Variants in AGBL4 observed in about 807,000 individuals in gnomAD.
AGBL4 encodes cytosolic carboxypeptidase 6.
AGBL4 carries 58 observed loss-of-function variants against 66.4 expected under a neutral mutation model. The observed-to-expected ratio is 0.87, with a 90% confidence interval of 0.71 to 1.09. AGBL4 has a LOEUF of 1.09. AGBL4 is among the 50% of genes least tolerant of loss of function. The pLI is 0.00. For missense variants in AGBL4, 579 were observed against 631.0 expected, an observed-to-expected ratio of 0.92 and a Z score of 0.88; for synonymous variants, 234 against 222.9, an observed-to-expected ratio of 1.05 and a Z score of -0.44.
chr1:49,789,439 C>A (rs1644539260), intron 2 of AGBL4, among the ~76,000 whole-genome samples: 1 of 152,164 alleles, frequency 6.6e-6, no homozygotes, highest in Admixed American at 6.5e-5. Context: ...AAAACCCCAT[C>A]ATCTCAGCCC....
intron 3 of AGBL4, among the ~76,000 whole-genome samples, chr1:49,473,189 G>A (rs1011908663): frequency 2.6e-5 from 4 of 152,008 alleles, no homozygotes; most frequent in East Asian, 1.9e-4. Context: ...TTCCTAAGTC[G>A]AATGACTGTT....
chr1:49,558,764 G>T (rs952200385), intron 3 of AGBL4, among the ~76,000 whole-genome samples: 2 of 152,112 alleles, frequency 1.3e-5, no homozygotes, highest in African/African-American at 4.8e-5. Flanking sequence ...ACTGACTTAA[G>T]AGCTCTTGAG....
rs191874996 is a variant in AGBL4, at chr1:48,788,178, A to G, written c.634+79013T>C. Among the ~76,000 whole-genome samples, 372 of 152,368 alleles carry G rather than the reference A, an allele frequency of 2.4e-3. 3 individuals are homozygous for G. The highest frequency in any genetic ancestry group is 8.6e-3 in the African/African-American group (358 of 41,592). ...TAAGGTTTTCATGTCTAACTGAGACAAGGCATGTAAAGTGCCTGGCAGGCA... is the reference window on the plus strand; with the variant it reads ...TAAGGTTTTCATGTCTAACTGAGACGAGGCATGTAAAGTGCCTGGCAGGCA... On this transcript the variant is annotated intron_variant, in intron 6 of 13. Transcript: ENST00000371839.
At chr1:49,344,595 G>A (rs529824917) in intron 3 of AGBL4, among the ~76,000 whole-genome samples, 1 of 152,196 alleles carries the variant, frequency 6.6e-6, no homozygotes, top group South Asian at 2.1e-4. Flanking sequence ...TTGAACATTG[G>A]AATAAAACCA....
intron 2 of AGBL4, among the ~76,000 whole-genome samples, chr1:49,827,098 G>T (rs1215223528): frequency 2.0e-5 from 3 of 152,100 alleles, no homozygotes; most frequent in Non-Finnish European, 2.9e-5. Flanking sequence ...TACAGGTAGA[G>T]TATGAATTCT....
chr1:49,223,435 GT>G, intron 4 of AGBL4, among the ~76,000 whole-genome samples: 1 of 152,246 alleles, frequency 6.6e-6, no homozygotes, highest in South Asian at 2.1e-4. Context: ...AAGTGTAAAA[GT>G]TTATGTGGGG....
chr1:49,786,430 A>G (rs1282981889), intron 2 of AGBL4, among the ~76,000 whole-genome samples: 2 of 152,250 alleles, frequency 1.3e-5, no homozygotes, highest in South Asian at 2.1e-4. Flanking sequence ...CTGAGTAACA[A>G]TATCTCTGAG....
intron 3 of AGBL4, among the ~76,000 whole-genome samples, chr1:49,294,787 C>T (rs953847559): frequency 1.3e-5 from 2 of 152,138 alleles, no homozygotes; most frequent in African/African-American, 4.8e-5. Flanking sequence ...GTCATTTCCT[C>T]CGAGGAGCTT....
intron 3 of AGBL4, among the ~76,000 whole-genome samples, chr1:49,472,387 G>A (rs528474575): frequency 9.9e-5 from 15 of 152,018 alleles, no homozygotes; most frequent in Admixed American, 7.9e-4. Flanking sequence ...ATCTGGCAAC[G>A]ATTTTAAAGT....
chr1:49,572,136 A>C (rs191375831), intron 3 of AGBL4, among the ~76,000 whole-genome samples: 2 of 152,236 alleles, frequency 1.3e-5, no homozygotes, highest in African/African-American at 2.4e-5. Context: ...GAATAATTTC[A>C]AAAAAATGGT....
At chr1:49,652,584 T>A (rs1166217954) in intron 3 of AGBL4, among the ~76,000 whole-genome samples, 1 of 152,074 alleles carries the variant, frequency 6.6e-6, no homozygotes, top group Non-Finnish European at 1.5e-5. Context: ...GAAGACTGAG[T>A]ACTGGCAATG....
intron 2 of AGBL4, among the ~76,000 whole-genome samples, chr1:49,735,579 T>G (rs990684483): frequency 1.1e-4 from 16 of 152,084 alleles, no homozygotes; most frequent in African/African-American, 3.9e-4. Context: ...CTATGTGATA[T>G]GTAATATACC....
At chr1:49,097,634 T>TGCAGTG (rs1359449442) in intron 4 of AGBL4, among the ~76,000 whole-genome samples, 4 of 152,348 alleles carry the variant, frequency 2.6e-5, no homozygotes, top group Admixed American at 2.6e-4. Flanking sequence ...CAGGCCAGAG[T>TGCAGTG]GCAGTGGCAC....
intron 5 of AGBL4, among the ~76,000 whole-genome samples, chr1:49,035,581 A>G (rs1331244700): frequency 6.6e-6 from 1 of 152,066 alleles, no homozygotes; most frequent in Non-Finnish European, 1.5e-5. Context: ...ACCTCCTGAG[A>G]TCTTACTGGA....
chr1:49,115,379 G>A (rs1490661844), intron 4 of AGBL4, among the ~76,000 whole-genome samples: 1 of 152,082 alleles, frequency 6.6e-6, no homozygotes, highest in African/African-American at 2.4e-5. Flanking sequence ...TTTTAGGAAC[G>A]GAAAAGGTAC....
intron 1 of AGBL4, among the ~76,000 whole-genome samples, chr1:49,982,051 T>G (rs1482597636): frequency 6.6e-6 from 1 of 152,258 alleles, no homozygotes; most frequent in African/African-American, 2.4e-5. Flanking sequence ...AGTACTGTTT[T>G]GTGTCCACTA....
intron 2 of AGBL4, among the ~76,000 whole-genome samples, chr1:49,785,367 G>T (rs1021343508): frequency 3.3e-5 from 5 of 151,886 alleles, no homozygotes; most frequent in African/African-American, 1.2e-4. Flanking sequence ...GTGAGGTGAT[G>T]GATATGTTAA....
intron 1 of AGBL4, among the ~76,000 whole-genome samples, chr1:50,005,455 T>C (rs1452116184): frequency 6.6e-6 from 1 of 152,144 alleles, no homozygotes; most frequent in Admixed American, 6.5e-5. Context: ...CAAATGCACA[T>C]ATAGTTGCAG....
intron 4 of AGBL4, among the ~76,000 whole-genome samples, chr1:49,244,011 A>G (rs1335648917): frequency 6.6e-6 from 1 of 151,838 alleles, no homozygotes; most frequent in Non-Finnish European, 1.5e-5. Flanking sequence ...CAAGGACCCA[A>G]TAAAATTTCA....
Sources: gnomAD v4.1 joint callset for allele counts (sites outside exome capture counted in the v4.1 genomes callset) on GRCh38, gnomAD v4.1.1 for gene constraint, MANE v1.5 for transcripts, NCBI Gene and HGNC (gene_info 2026-07-23, HGNC 2026-07-21) for gene names.